DLGAP1: variants seen among roughly 807,000 people sequenced by gnomAD.
DLGAP1 encodes the protein disks large-associated protein 1.
DLGAP1 carries 11 observed loss-of-function variants against 90.8 expected under a neutral mutation model. The observed-to-expected ratio is 0.12, with a 90% CI of 0.08 to 0.20. The LOEUF is 0.20. Among genes scored for constraint, DLGAP1 ranks in the 10% least tolerant of loss-of-function variants. The pLI is 1.00. For missense variants in DLGAP1, 1,050 were observed against 1,333.8 expected (o/e 0.79, Z 3.31); for synonymous variants, 558 against 540.7 (o/e 1.03, Z -0.44).
At chr18:3,954,918 C>A (rs2073055324) in intron 3 of DLGAP1, among the ~76,000 whole-genome samples, 1 of 152,144 alleles carries the variant, frequency 6.6e-6, no homozygotes, top group Admixed American at 6.5e-5. Context: ...TTGCAGCGCG[C>A]AGACTCTCTG....
chr18:3,976,275 C>T lies in DLGAP1; in HGVS notation c.-73+28841G>A, dbSNP rs191021294. Among the ~76,000 whole-genome samples the T allele has an allele frequency of 3.6e-4, 54 of 151,524 alleles. 2 individuals are homozygous for T. The highest frequency in any genetic ancestry group is 2.1e-3 in the Admixed American group (32 of 15,220). Reference sequence around the variant, plus strand: ...CCTGTAATCCCAGCTCTTTGGGAGGCTGAGGAAGGAGAATCGCTTGAACCC... The same window carrying T: ...CCTGTAATCCCAGCTCTTTGGGAGGTTGAGGAAGGAGAATCGCTTGAACCC... On this transcript the variant is annotated intron_variant, in intron 3 of 12. Transcript: ENST00000315677.
chr18:4,060,196 C>A (rs2075279563), intron 2 of DLGAP1, among the ~76,000 whole-genome samples: 1 of 152,170 alleles, frequency 6.6e-6, no homozygotes, highest in African/African-American at 2.4e-5. Flanking sequence ...TGGGATAAAG[C>A]CAAGGGCAAC....
chr18:3,897,920 G>C (rs1056793379), intron 3 of DLGAP1, among the ~76,000 whole-genome samples: 2 of 149,430 alleles, frequency 1.3e-5, no homozygotes, highest in Non-Finnish European at 3.0e-5. Context: ...TCAGCCTCCC[G>C]AGTAGCTGGG....
chr18:4,342,373 C>G lies in DLGAP1; in HGVS notation c.-267+112633G>C, dbSNP rs1295909397. Among the ~76,000 whole-genome samples the G allele has an allele frequency of 6.6e-6, 1 of 152,074 alleles. No individual in the cohort carries two copies. The highest frequency in any genetic ancestry group is 6.6e-5 in the Admixed American group (1 of 15,260). ...AAATAGAATATGTTAAATGGATAAA[C>G]ACTCCCAAATATCTTACATTTTAAA... On this transcript the variant is annotated intron_variant, in intron 1 of 12. Transcript: ENST00000315677. The surrounding 1 kb of genome is among the most constrained non-coding windows in gnomAD (Gnocchi z 5.8).
At chr18:3,987,427 A>C (rs1045449044) in intron 3 of DLGAP1, among the ~76,000 whole-genome samples, 2 of 152,234 alleles carry the variant, frequency 1.3e-5, no homozygotes, top group Non-Finnish European at 2.9e-5. Flanking sequence ...TAAAAATTCT[A>C]AAATTCAATT....
intron 1 of DLGAP1, among the ~76,000 whole-genome samples, chr18:4,305,561 A>G (rs1233601420): frequency 6.6e-6 from 1 of 151,908 alleles, no homozygotes; most frequent in African/African-American, 2.4e-5. Context: ...AGGAAAAAGA[A>G]AAAGAAAAAC....
chr18:3,829,674 C>A (rs1259347707), intron 4 of DLGAP1, among the ~76,000 whole-genome samples: 1 of 152,128 alleles, frequency 6.6e-6, no homozygotes, highest in Non-Finnish European at 1.5e-5. Flanking sequence ...AGAATCTTGT[C>A]AATAAAACCT....
At chr18:3,614,883 A>G (rs1444498058) in intron 7 of DLGAP1, among the ~76,000 whole-genome samples, 4 of 151,486 alleles carry the variant, frequency 2.6e-5, no homozygotes, top group African/African-American at 9.7e-5. Flanking sequence ...GGAGTCAAAC[A>G]TAACTTGGAG....
At chr18:4,334,370 TC>T (rs1236654172) in intron 1 of DLGAP1, among the ~76,000 whole-genome samples, 1 of 151,782 alleles carries the variant, frequency 6.6e-6, no homozygotes, top group Non-Finnish European at 1.5e-5. Context: ...TATACATTGG[TC>T]AAAAGAAATG....
At chr18:4,404,500 T>C (rs1043027480) in intron 1 of DLGAP1, among the ~76,000 whole-genome samples, 1 of 152,066 alleles carries the variant, frequency 6.6e-6, no homozygotes, top group African/African-American at 2.4e-5. Flanking sequence ...AGGTAGACAA[T>C]AAAAGCACAG....
At chr18:4,123,703 G>A (rs1474254837) in intron 2 of DLGAP1, among the ~76,000 whole-genome samples, 1 of 152,124 alleles carries the variant, frequency 6.6e-6, no homozygotes, top group Non-Finnish European at 1.5e-5. Context: ...ATTGCCCTGC[G>A]AATACAAAAA....
chr18:4,049,449 T>TC (rs1223573203), intron 2 of DLGAP1, among the ~76,000 whole-genome samples: 1 of 152,080 alleles, frequency 6.6e-6, no homozygotes, highest in African/African-American at 2.4e-5. Flanking sequence ...CACTGGAGCC[T>TC]CTGTGCTCCT....
chr18:3,738,052 G>A (rs1398791981), intron 6 of DLGAP1, among the ~76,000 whole-genome samples: 3 of 151,590 alleles, frequency 2.0e-5, no homozygotes, highest in Admixed American at 6.6e-5. Flanking sequence ...AAATACCTAC[G>A]AATCCAACTT....
intron 3 of DLGAP1, among the ~76,000 whole-genome samples, chr18:3,895,136 G>A (rs575401634): frequency 2.2e-4 from 33 of 152,274 alleles, no homozygotes; most frequent in African/African-American, 7.9e-4. Context: ...CTTGTAAGAT[G>A]AGTATGTTTC....
intron 1 of DLGAP1, among the ~76,000 whole-genome samples, chr18:4,163,979 G>C (rs1487291491): frequency 6.6e-6 from 1 of 152,124 alleles, no homozygotes; most frequent in African/African-American, 2.4e-5. Context: ...CCAGGGGCTT[G>C]GCCAGTGAAA....
intron 7 of DLGAP1, among the ~76,000 whole-genome samples, chr18:3,617,595 A>AG (rs1373442358): frequency 3.2e-4 from 49 of 151,404 alleles, no homozygotes; most frequent in Admixed American, 8.6e-4. Context: ...CCATCTCAAA[A>AG]AAAAAAAAAA....
chr18:3,665,308 C>G (rs1343568250), intron 7 of DLGAP1, among the ~76,000 whole-genome samples: 1 of 149,568 alleles, frequency 6.7e-6, no homozygotes, highest in Non-Finnish European at 1.5e-5. Context: ...GAAATAATTG[C>G]TGCTTCCTTA....
chr18:3,629,174 A>G (rs2058425089), intron 7 of DLGAP1, among the ~76,000 whole-genome samples: 1 of 152,098 alleles, frequency 6.6e-6, no homozygotes, highest in African/African-American at 2.4e-5. Context: ...GCTCACACCT[A>G]CAATCCCAGC....
At chr18:4,011,446 A>G (rs145457462) in intron 2 of DLGAP1, among the ~76,000 whole-genome samples, 49 of 152,244 alleles carry the variant, frequency 3.2e-4, no homozygotes, top group African/African-American at 1.2e-3. Flanking sequence ...TAGTACCTAC[A>G]GGGGCAGCAA....
Sources: allele counts gnomAD v4.1 joint callset (sites outside exome capture counted in the v4.1 genomes callset), GRCh38; gene constraint gnomAD v4.1.1; non-coding constraint Gnocchi (gnomAD v3.1); transcripts MANE v1.5; gene names NCBI Gene and HGNC (gene_info 2026-07-23, HGNC 2026-07-21).